ABTB3: variants seen among roughly 807,000 people sequenced by gnomAD.
ABTB3 encodes the protein ankyrin repeat and BTB domain containing 3.
the ABTB3 span, among the ~76,000 whole-genome samples, chr12:107,396,194 C>T: frequency 7.2e-5 from 11 of 152,308 alleles, no homozygotes; most frequent in Middle Eastern, 3.4e-3. Flanking sequence ...TTGTCCTCTG[C>T]GTGTTAATAA....
At chr12:107,319,447 G>A in the ABTB3 span, 39 of 1,607,482 alleles carry the variant, frequency 2.4e-5, 1 homozygote, top group South Asian at 4.0e-4. Flanking sequence ...TGGAGATCGT[G>A]CTGTCCTGGG....
chr12:107,499,694 T>TC, the ABTB3 span, among the ~76,000 whole-genome samples: 1 of 151,024 alleles, frequency 6.6e-6, no homozygotes. Flanking sequence ...TCTTTTCTTT[T>TC]TTTTTTTTTA....
chr12:107,609,158 T>C, the ABTB3 span, among the ~76,000 whole-genome samples: 17 of 152,170 alleles, frequency 1.1e-4, no homozygotes, highest in Non-Finnish European at 2.9e-5. Context: ...ATTTGCCACA[T>C]TGAATTATAA....
the ABTB3 span, among the ~76,000 whole-genome samples, chr12:107,464,776 C>T: frequency 2.0e-5 from 3 of 152,160 alleles, no homozygotes; most frequent in African/African-American, 7.2e-5. Flanking sequence ...CAGTGGTTCT[C>T]TATCAAAGGC....
chr12:107,590,840 T>C, the ABTB3 span, among the ~76,000 whole-genome samples: 4 of 152,182 alleles, frequency 2.6e-5, no homozygotes, highest in Non-Finnish European at 5.9e-5. Context: ...GATTTATTGA[T>C]TATATATTGA....
At chr12:107,348,756 G>A in the ABTB3 span, among the ~76,000 whole-genome samples, 3 of 152,158 alleles carry the variant, frequency 2.0e-5, no homozygotes, top group African/African-American at 7.2e-5. Context: ...AAGGTCCTAT[G>A]TTCTGTGACA....
chr12:107,404,098 G>T, the ABTB3 span, among the ~76,000 whole-genome samples: 1 of 146,810 alleles, frequency 6.8e-6, no homozygotes, highest in Non-Finnish European at 1.5e-5. Context: ...GGGAGGCAGA[G>T]GTTCTAGTGA....
chr12:107,519,076 G>T, the ABTB3 span, among the ~76,000 whole-genome samples: 1 of 152,128 alleles, frequency 6.6e-6, no homozygotes, highest in African/African-American at 2.4e-5. Context: ...CTTGGTAGGT[G>T]TATCTGTTAG....
chr12:107,360,017 T>G, the ABTB3 span, among the ~76,000 whole-genome samples: 74 of 152,310 alleles, frequency 4.9e-4, no homozygotes, highest in Middle Eastern at 3.4e-3. Flanking sequence ...CAGAACTTTA[T>G]CAGGTGCCCA....
chr12:107,499,362 CTGTG>C, the ABTB3 span, among the ~76,000 whole-genome samples: 98 of 149,680 alleles, frequency 6.5e-4, no homozygotes, highest in Non-Finnish European at 1.8e-4. Context: ...AAGAGGGAAG[CTGTG>C]TGTGTGTGTG....
At chr12:107,417,634 C>T in the ABTB3 span, among the ~76,000 whole-genome samples, 5 of 152,176 alleles carry the variant, frequency 3.3e-5, no homozygotes, top group African/African-American at 1.2e-4. Context: ...ACTATGTATC[C>T]CGTAGGGAGA....
chr12:107,589,376 G>C, the ABTB3 span, among the ~76,000 whole-genome samples: 1 of 152,236 alleles, frequency 6.6e-6, no homozygotes, highest in East Asian at 1.9e-4. Context: ...ACTGCTGGAA[G>C]AAAATCAGCT....
the ABTB3 span, among the ~76,000 whole-genome samples, chr12:107,458,460 A>G: frequency 6.6e-6 from 1 of 152,208 alleles, no homozygotes; most frequent in African/African-American, 2.4e-5. Context: ...TACATGGGAC[A>G]AGACAGAATC....
At chr12:107,650,193 G>A in the ABTB3 span, 3 of 152,216 alleles carry the variant, frequency 2.0e-5, 1 homozygote, top group South Asian at 6.2e-4. Context: ...TGAGCTGTGT[G>A]ACTGTGGACA....
chr12:107,615,477 A>G, the ABTB3 span, among the ~76,000 whole-genome samples: 3 of 152,194 alleles, frequency 2.0e-5, no homozygotes, highest in African/African-American at 7.2e-5. Flanking sequence ...TGCTTGTCGC[A>G]ACATGAACAT....
chr12:107,455,319 G>A, the ABTB3 span, among the ~76,000 whole-genome samples: 1 of 152,162 alleles, frequency 6.6e-6, no homozygotes, highest in Non-Finnish European at 1.5e-5. Flanking sequence ...AAGCCCAAAG[G>A]GGGTTCAGGT....
the ABTB3 span, among the ~76,000 whole-genome samples, chr12:107,495,408 C>T: frequency 7.2e-5 from 11 of 152,300 alleles, no homozygotes; most frequent in South Asian, 1.2e-3. Flanking sequence ...GGGGATGGCC[C>T]GGCAGGCCAG....
the ABTB3 span, among the ~76,000 whole-genome samples, chr12:107,407,131 C>T: frequency 6.6e-6 from 1 of 152,294 alleles, no homozygotes; most frequent in African/African-American, 2.4e-5. Context: ...CCCTGTATGA[C>T]CTCGGGCAAG....
the ABTB3 span, among the ~76,000 whole-genome samples, chr12:107,577,215 T>C: frequency 6.6e-6 from 1 of 152,214 alleles, no homozygotes; most frequent in African/African-American, 2.4e-5. Context: ...ACTTACTAGT[T>C]AGCCTTTTAC....
Sources: gnomAD v4.1 joint callset for allele counts (sites outside exome capture counted in the v4.1 genomes callset) on GRCh38, gnomAD v4.1.1 for gene constraint, MANE v1.5 for transcripts, NCBI Gene and HGNC (gene_info 2026-07-23, HGNC 2026-07-21) for gene names.